Variants in ARX observed in about 807,000 individuals in gnomAD.
The protein encoded by ARX is homeobox protein ARX.
In ARX, 1 loss-of-function variant was observed where a neutral mutation model predicts 23.1. The observed-to-expected ratio is 0.04, with a 90% CI of 0.02 to 0.21. The LOEUF (loss-of-function observed/expected upper bound fraction) is 0.21, where lower values mean the gene tolerates loss of function less well. Among genes scored for constraint, ARX ranks in the 10% least tolerant of loss-of-function variants. The probability of loss-of-function intolerance (pLI) is 1.00; values close to 1 mark genes in which losing one functional copy is unlikely to be tolerated. For synonymous variants in ARX, 301 were observed against 270.1 expected (o/e 1.11, Z -1.12); for missense variants, 380 against 527.5 (o/e 0.72, Z 2.74).
In ARX at chrX:25,015,877, C is replaced by T; in HGVS notation, c.-140G>A. 1.4e-6 allele frequency: 1 copy of T among 733,719 alleles called. No homozygotes were observed. Among genetic ancestry groups the T allele is most frequent in the Non-Finnish European group, 2.0e-6 (1 of 492,422 alleles). The allele number at this position is 733,719 out of a possible 1,213,427, so 60.5% of individuals were successfully genotyped here. On this transcript the variant is annotated 5_prime_UTR_variant, in exon 1 of 5. Coordinates refer to ENST00000379044, the MANE Select transcript of ARX (RefSeq NM_139058.3). The stretch of plus-strand genomic sequence containing the variant: ...TATTGCGATCTTTGTGCCTTTCTGC[C>T]TCCCTTGGTTGCCGGCTGCCGGCTC...
At chrX:25,005,546 C>A (rs1362095228) in intron 4 of ARX, among the ~76,000 whole-genome samples, 1 of 112,615 alleles carries the variant, frequency 8.9e-6, no homozygotes, top group East Asian at 2.8e-4. Context: ...TGGCCAGCGC[C>A]TGCGGGTGAG....
intron 4 of ARX, chrX:25,006,130 G>A (rs1165954081): frequency 8.9e-6 from 1 of 112,441 alleles, no homozygotes; most frequent in African/African-American, 3.2e-5. Context: ...AAAAAGTGGA[G>A]GGAGGGGAGA....
rs1257917412 is a variant in ARX at position 25,013,534 on chromosome X, G to A, written c.461C>T (p.Ala154Val). The change falls in exon 2 of 5, where the codon GCG (alanine) becomes GTG (valine). Residue 154 changes from alanine to valine, a missense_variant. Ala to Val is a moderately conservative substitution (Grantham distance 64). Around this residue, in one of 3 missense-constraint regions of ARX, gnomAD observed 235 missense variants for 270.2 expected, o/e 0.87. Coordinates refer to ENST00000379044, the MANE Select transcript of ARX (RefSeq NM_139058.3). ...GCTGATCTTGAGCGTGTCCCAGGCC[G>A]CGGCGGCCGCGGCCGCGGCTGCCGC... ...AAAAAAAAAA[A>V]AWDTLKISQA... The A allele has an allele frequency of 4.9e-6, 4 of 811,252 alleles. No individual in the cohort carries two copies. In the African/African-American group the frequency reaches 6.9e-5, roughly 14 times the overall value. 66.9% of individuals were successfully genotyped at this position (811,252 alleles called of 1,213,427 possible).
chrX:25,007,647 G>A (rs1051546219), intron 3 of ARX, among the ~76,000 whole-genome samples: 2 of 111,797 alleles, frequency 1.8e-5, no homozygotes, highest in African/African-American at 6.5e-5. Flanking sequence ...CAAGTCAGCA[G>A]GAAACAGGAC....
At chrX:25,014,514 C>A (rs909590229) in intron 1 of ARX, among the ~76,000 whole-genome samples, 1 of 112,394 alleles carries the variant, frequency 8.9e-6, no homozygotes, top group African/African-American at 3.2e-5. Flanking sequence ...CAGCCCACAG[C>A]GGGAGAGGGT....
intron 1 of ARX, 53 bp downstream of exon 1, chrX:25,015,489 A>G: frequency 8.5e-7 from 1 of 1,181,264 alleles, no homozygotes; most frequent in Non-Finnish European, 1.1e-6. Context: ...AACACCAAAC[A>G]TCCAAATCAG....
At chrX:25,013,837 G>A in intron 1 of ARX, 39 bp from the exon 2 acceptor site, 1 of 903,023 alleles carries the variant, frequency 1.1e-6, no homozygotes, top group Non-Finnish European at 1.4e-6. Flanking sequence ...CCGGCCGGCC[G>A]GGGAGTCCCA....
intron 2 of ARX, among the ~76,000 whole-genome samples, chrX:25,011,437 G>T (rs752114230): frequency 8.8e-6 from 1 of 113,109 alleles, no homozygotes; most frequent in East Asian, 2.8e-4. Context: ...CCCTAAGCCC[G>T]CCAGAAGCTA....
At chrX:25,014,308 G>A (rs997710372) in intron 1 of ARX, among the ~76,000 whole-genome samples, 2 of 111,567 alleles carry the variant, frequency 1.8e-5, no homozygotes, top group Non-Finnish European at 3.8e-5. Context: ...CCACGTCGGG[G>A]CAGAGGAAAA....
At position 25,004,362 on chromosome X, in the gene ARX, T is replaced by C. The variant is rs888144695; in HGVS notation, c.*308A>G. ...AAATTTTTTACTTCAATATCAGGCGTCTGGGGGAGAAAACCTCCCCGATAT... is the reference window on the plus strand; with the variant it reads ...AAATTTTTTACTTCAATATCAGGCGCCTGGGGGAGAAAACCTCCCCGATAT... On this transcript the variant is annotated 3_prime_UTR_variant, in exon 5 of 5. Transcript: ENST00000379044. 6 of 293,543 alleles carry C rather than the reference T, an allele frequency of 2.0e-5. No homozygotes were observed. Among genetic ancestry groups the C allele is most frequent in the African/African-American group, 1.7e-4 (6 of 35,147 alleles). The allele number at this position is 293,543 out of a possible 1,213,427, so 24.2% of individuals were successfully genotyped here.
In ARX at chrX:25,015,591, G is replaced by A. The variant is rs1327773088; in HGVS notation, c.147C>T (p.Ser49=). 8.3e-7 allele frequency: 1 copy of A among 1,208,973 alleles called. No individual in the cohort carries two copies. Among genetic ancestry groups the A allele is most frequent in the African/African-American group, 1.7e-5 (1 of 57,451 alleles). Residue 49 remains serine, a synonymous_variant, in exon 1 of 5, where the codon AGC becomes AGT. Coordinates refer to ENST00000379044, the MANE Select transcript of ARX (RefSeq NM_139058.3). ...CKMRLLGAAQ[S]LPAPLTSRAD... is the part of the protein sequence containing the mutation. ...CGCGGCTGGTCAGCGGAGCAGGCAA[G>A]CTCTGCGCGGCTCCCAGCAACCGCA... is the stretch of plus-strand genomic sequence containing the variant.
chrX:25,007,325 G>T lies in ARX; in HGVS notation c.1234C>A (p.Pro412Thr). 8.8e-7 allele frequency: 1 copy of T among 1,141,907 alleles called. No individual in the cohort carries two copies. The allele number at this position is 1,141,907 out of a possible 1,213,427, so 94.1% of individuals were successfully genotyped here. A position where few individuals can be genotyped will look rare whatever the true frequency, so the allele number is the denominator to read the frequency against. Reference sequence around the variant, plus strand: ...GGGAAGGGGCTGGCGTCCAGGTAGGGGCTGAGCGGGTGGGTGGCGGAGAGC... The same window carrying T: ...GGGAAGGGGCTGGCGTCCAGGTAGGTGCTGAGCGGGTGGGTGGCGGAGAGC... ...GPLSATHPLSPYLDASPFPPH... is the reference protein window; with the variant it reads ...GPLSATHPLSTYLDASPFPPH... Residue 412 changes from proline (P) to threonine (T), a missense_variant, in exon 4 of 5, where the codon CCC (proline) becomes ACC (threonine). Transcript: ENST00000379044.
chrX:25,011,236 G>C (rs1010482811), intron 2 of ARX, among the ~76,000 whole-genome samples: 24 of 112,307 alleles, frequency 2.1e-4, no homozygotes, highest in Non-Finnish European at 3.9e-4. Flanking sequence ...CAGCACCAGA[G>C]GTAAACCGTC....
chrX:25,011,707 A>G (rs1398349836), intron 2 of ARX, among the ~76,000 whole-genome samples: 1 of 112,829 alleles, frequency 8.9e-6, no homozygotes, highest in African/African-American at 3.2e-5. Flanking sequence ...GTTGGGAGAG[A>G]GTTAGGCAAT....
rs2048667291 is a variant in ARX, at chrX:25,004,365, G to C, written c.*305C>G. ...TTTTTTACTTCAATATCAGGCGTCT[G>C]GGGGAGAAAACCTCCCCGATATTTT... On this transcript the variant is annotated 3_prime_UTR_variant, in exon 5 of 5. Coordinates refer to ENST00000379044, the MANE Select transcript of ARX (RefSeq NM_139058.3). The C allele has an allele frequency of 1.7e-5, 5 of 299,836 alleles. No individual in the cohort carries two copies. Among genetic ancestry groups the C allele is most frequent in the African/African-American group, 2.8e-5 (1 of 35,502 alleles). The allele number at this position is 299,836 out of a possible 1,213,427, so 24.7% of individuals were successfully genotyped here.
chrX:25,011,985 C>G (rs1351619550), intron 2 of ARX, among the ~76,000 whole-genome samples: 1 of 112,578 alleles, frequency 8.9e-6, no homozygotes, highest in African/African-American at 3.2e-5. Context: ...AGAGAAGGAT[C>G]CCTACCCGGG....
rs905258208 is a variant in ARX at position 25,013,223 on chromosome X, C to T, written c.772G>A (p.Ala258Thr). 1 of 1,161,783 alleles carries T rather than the reference C, an allele frequency of 8.6e-7. No individual in the cohort carries two copies. Among genetic ancestry groups the T allele is most frequent in the South Asian group, 1.9e-5 (1 of 53,125 alleles). ...CAGCGCCGGGGCTCCTTGAGCAGCG[C>T]GCGGGCGTCGTCCTCCAGCAGCTCC... ...EEELLEDDAR[A>T]LLKEPRRCPV... The change falls in exon 2 of 5, where the codon GCG becomes ACG. Residue 258 changes from alanine (A) to threonine (T), a missense_variant. Physicochemically the swap from Ala to Thr is moderately conservative, Grantham distance 58. Transcript: ENST00000379044.
At chrX:25,010,977 A>T (rs2048699833) in intron 2 of ARX, among the ~76,000 whole-genome samples, 1 of 111,558 alleles carries the variant, frequency 9.0e-6, no homozygotes, top group African/African-American at 3.3e-5. Context: ...CCCACTACAA[A>T]CCCTGCCCAT....
chrX:25,005,311 G>A (rs1471687246), intron 4 of ARX, among the ~76,000 whole-genome samples: 1 of 104,255 alleles, frequency 9.6e-6, no homozygotes, highest in Non-Finnish European at 1.9e-5. Flanking sequence ...AAAAGGAGAG[G>A]AGAGCAAAAG....
Sources: allele counts gnomAD v4.1 joint callset (sites outside exome capture counted in the v4.1 genomes callset), GRCh38; gene constraint gnomAD v4.1.1; regional missense constraint gnomAD v4.1.1; transcripts MANE v1.5; gene names NCBI Gene and HGNC (gene_info 2026-07-23, HGNC 2026-07-21).